TAF4B: variants seen among roughly 807,000 people sequenced by gnomAD.
TAF4B encodes the protein TATA-box binding protein associated factor 4b, also known as transcription initiation factor TFIID subunit 4B.
TAF4B carries 38 observed loss-of-function variants against 86.4 expected under a neutral mutation model. The observed-to-expected ratio is 0.44, with a 90% CI of 0.34 to 0.58. The LOEUF (loss-of-function observed/expected upper bound fraction) is 0.58, where lower values mean the gene tolerates loss of function less well. TAF4B is among the 20% of genes least tolerant of loss of function. The pLI is 0.02. For missense variants in TAF4B, 988 were observed against 1,027.6 expected (o/e 0.96, Z 0.53); for synonymous variants, 388 against 391.2 (o/e 0.99, Z 0.10).
At chr18:26,290,205 T>G (rs182925498) in intron 7 of TAF4B, among the ~76,000 whole-genome samples, 42 of 152,238 alleles carry the variant, frequency 2.8e-4, no homozygotes, top group South Asian at 8.3e-4. Flanking sequence ...AGTGGTGCCA[T>G]CATGGTTCAC....
intron 1 of TAF4B, 61 bp downstream of exon 1, chr18:26,227,337 C>A: frequency 6.6e-7 from 1 of 1,510,920 alleles, no homozygotes; most frequent in South Asian, 1.2e-5. Context: ...CGGGAAAATT[C>A]GCAGCTCCAG....
At chr18:26,263,713 C>T (rs568320630) in intron 1 of TAF4B, among the ~76,000 whole-genome samples, 2 of 138,532 alleles carry the variant, frequency 1.4e-5, no homozygotes, top group African/African-American at 5.0e-5. Flanking sequence ...TTCTCTCTTT[C>T]TCTCTCTCTC....
At chr18:26,265,676 C>T (rs2056230118) in intron 2 of TAF4B, among the ~76,000 whole-genome samples, 1 of 152,138 alleles carries the variant, frequency 6.6e-6, no homozygotes, top group Non-Finnish European at 1.5e-5. Context: ...ATCCTCCTGC[C>T]TCAGGCTCGC....
chr18:26,324,284 C>A (rs2056986614), intron 11 of TAF4B, among the ~76,000 whole-genome samples: 1 of 152,098 alleles, frequency 6.6e-6, no homozygotes, highest in African/African-American at 2.4e-5. Context: ...TACATGAATA[C>A]CTTTTTTAGT....
intron 12 of TAF4B, among the ~76,000 whole-genome samples, chr18:26,332,427 T>A (rs965130965): frequency 6.6e-6 from 1 of 152,218 alleles, no homozygotes; most frequent in Non-Finnish European, 1.5e-5. Context: ...CAGTGCACCC[T>A]CTACAGAGTG....
chr18:26,368,488 T>G (rs2144335474), intron 14 of TAF4B, among the ~76,000 whole-genome samples: 1 of 152,238 alleles, frequency 6.6e-6, no homozygotes, highest in Non-Finnish European at 1.5e-5. Flanking sequence ...TAATTTGCAT[T>G]TCCTTAAGGG....
chr18:26,291,201 G>A (rs1036949526), intron 7 of TAF4B, among the ~76,000 whole-genome samples: 14 of 152,064 alleles, frequency 9.2e-5, no homozygotes, highest in African/African-American at 3.4e-4. Flanking sequence ...CCATATATGA[G>A]TGAAAGTTCA....
chr18:26,302,371 AT>A (rs66683595), intron 9 of TAF4B, among the ~76,000 whole-genome samples: 15 of 93,074 alleles, frequency 1.6e-4, no homozygotes, highest in South Asian at 1.1e-3. Context: ...TTCATATTAA[AT>A]TTTTTTTTTT....
At position 26,227,202 on chromosome 18, in the gene TAF4B, C is replaced by T; in HGVS notation, c.269C>T (p.Ala90Val). ...PKVSSGPRLPAPQIVAVKAPN... is the reference protein window; with the variant it reads ...PKVSSGPRLPVPQIVAVKAPN... ...GTCAGCAGCGGCCCTAGGCTGCCTG[C>T]TCCTCAGATAGTCGCCGTGAAAGCC... The change falls in exon 1 of 15, where the codon GCT (alanine) becomes GTT (valine). Residue 90 changes from alanine (A) to valine (V), a missense_variant. Ala to Val is a moderately conservative substitution (Grantham distance 64). Coordinates refer to ENST00000269142, the MANE Select transcript of TAF4B (RefSeq NM_005640.3). 1 of 1,614,062 alleles carries T rather than the reference C, an allele frequency of 6.2e-7. No homozygotes were observed. Among genetic ancestry groups the T allele is most frequent in the East Asian group, 2.2e-5 (1 of 44,856 alleles).
intron 9 of TAF4B, among the ~76,000 whole-genome samples, chr18:26,314,427 A>G (rs923439665): frequency 1.3e-5 from 2 of 148,890 alleles, no homozygotes; most frequent in Admixed American, 6.7e-5. Context: ...TTTTGCTGAT[A>G]CAAAGCAAGG....
chr18:26,386,609 C>CTT (rs199952139), intron 14 of TAF4B, among the ~76,000 whole-genome samples: 1 of 152,002 alleles, frequency 6.6e-6, no homozygotes, highest in Non-Finnish European at 1.5e-5. Flanking sequence ...ACTCTCCTGA[C>CTT]TTTTTTTTAG....
chr18:26,353,480 C>T (rs555788625), intron 13 of TAF4B, among the ~76,000 whole-genome samples: 3 of 152,298 alleles, frequency 2.0e-5, no homozygotes, highest in Admixed American at 6.5e-5. Flanking sequence ...CCTGTAATCC[C>T]GGCACTTTGG....
intron 10 of TAF4B, among the ~76,000 whole-genome samples, chr18:26,319,218 G>A (rs2056938809): frequency 1.3e-5 from 2 of 148,366 alleles, no homozygotes; most frequent in South Asian, 4.3e-4. Flanking sequence ...TAGGCCAGGA[G>A]CGGTGGCTTA....
At chr18:26,229,873 G>T (rs990601090) in intron 1 of TAF4B, among the ~76,000 whole-genome samples, 17 of 151,702 alleles carry the variant, frequency 1.1e-4, no homozygotes, top group African/African-American at 4.1e-4. Context: ...ATATATGTCA[G>T]TTCTTCATTT....
intron 2 of TAF4B, chr18:26,267,084 TTACTG>T (rs1256681518): frequency 6.5e-6 from 1 of 153,010 alleles, no homozygotes; most frequent in Non-Finnish European, 1.5e-5. Flanking sequence ...ATTTTCTCTG[TTACTG>T]TATCTGTCAA....
intron 9 of TAF4B, among the ~76,000 whole-genome samples, chr18:26,296,290 C>T (rs752357425): frequency 1.4e-4 from 21 of 152,128 alleles, no homozygotes; most frequent in Non-Finnish European, 2.8e-4. Context: ...TTTATTCCTT[C>T]CAAGAATCTG....
chr18:26,294,988 A>ACACT, intron 9 of TAF4B, among the ~76,000 whole-genome samples: 1 of 149,938 alleles, frequency 6.7e-6, no homozygotes, highest in South Asian at 2.1e-4. Flanking sequence ...TCTGTGAAAA[A>ACACT]CACTGTCCAG....
At chr18:26,266,916 A>C (rs1300489156) in intron 2 of TAF4B, 1 of 152,152 alleles carries the variant, frequency 6.6e-6, no homozygotes, top group Non-Finnish European at 1.5e-5. Context: ...TTTAATGGGT[A>C]TTTTATTTAA....
intron 13 of TAF4B, among the ~76,000 whole-genome samples, chr18:26,352,663 T>G (rs576783018): frequency 1.3e-5 from 2 of 152,030 alleles, no homozygotes; most frequent in Non-Finnish European, 2.9e-5. Context: ...TCCTCCAGAG[T>G]TAGGATCCCA....
Sources: allele counts gnomAD v4.1 joint callset (sites outside exome capture counted in the v4.1 genomes callset), GRCh38; gene constraint gnomAD v4.1.1; transcripts MANE v1.5; gene names NCBI Gene and HGNC (gene_info 2026-07-23, HGNC 2026-07-21).